Variants in NRBP2 observed in about 807,000 individuals in gnomAD.
NRBP2 encodes nuclear receptor-binding protein 2.
Under a neutral mutation model 74.4 loss-of-function variants are expected in NRBP2, and 47 were observed. The observed-to-expected ratio is 0.63, with a 90% confidence interval of 0.50 to 0.81. The LOEUF is 0.81. Among genes scored for constraint, NRBP2 ranks in the 30% least tolerant of loss-of-function variants. NRBP2 has a pLI of 0.00. For synonymous variants in NRBP2, 312 were observed against 273.8 expected, an observed-to-expected ratio of 1.14 and a Z score of -1.38; for missense variants, 613 against 690.1, an observed-to-expected ratio of 0.89 and a Z score of 1.25.
At position 143,837,987 on chromosome 8, in the gene NRBP2, A is replaced by T. The variant is rs1563862173; in HGVS notation, c.841-232T>A. 1.4e-6 allele frequency: 1 copy of T among 703,018 alleles called. No individual in the cohort carries two copies. Among genetic ancestry groups the T allele is most frequent in the South Asian group, 1.5e-5 (1 of 66,682 alleles). 43.5% of individuals were successfully genotyped at this position (703,018 alleles called of 1,614,324 possible). ...GGAGCACCATGCTCTGCTTCCCTCG[A>T]CCCCCAAAAAATCGTGGGGAGAAGC... On this transcript the variant is annotated intron_variant, in intron 10 of 17. Coordinates refer to ENST00000442628, the MANE Select transcript of NRBP2 (RefSeq NM_178564.4). This position sits in a 1 kb window ranked among gnomAD's most constrained non-coding sequence, Gnocchi z 4.3.
At chr8:143,838,025 G>C (rs1238850695) in intron 10 of NRBP2, 1 of 681,366 alleles carries the variant, frequency 1.5e-6, no homozygotes, top group African/African-American at 1.8e-5. Flanking sequence ...TGATCCTAAA[G>C]TCACACCTGC....
downstream of NRBP2, among the ~76,000 whole-genome samples, chr8:143,832,084 C>A (rs977720264): frequency 3.9e-5 from 6 of 152,222 alleles, no homozygotes; most frequent in Non-Finnish European, 8.8e-5. Flanking sequence ...AAGGAAAATT[C>A]TTCTGCCTTG....
chr8:143,836,464 G>A (rs1220180928), intron 14 of NRBP2, among the ~76,000 whole-genome samples: 6 of 151,970 alleles, frequency 3.9e-5, no homozygotes, highest in East Asian at 1.9e-4. Flanking sequence ...ACAGGACCGC[G>A]CCGAAGTGCA....
chr8:143,837,412 C>G lies in NRBP2; in HGVS notation c.1071G>C (p.Gln357His). Reference protein sequence around the residue: ...ELPRPRRPPLQWRYSEVSFME... With the variant: ...ELPRPRRPPLHWRYSEVSFME... ...TCTGGGTGCTGACTGCTCACCGCCACTGCAGCGGGGGCCTGCGGGGCCGGG... is the reference window on the plus strand; with the variant it reads ...TCTGGGTGCTGACTGCTCACCGCCAGTGCAGCGGGGGCCTGCGGGGCCGGG... Residue 357 changes from glutamine to histidine, a missense_variant, in exon 12 of 18, where the codon CAG (glutamine) becomes CAC (histidine). This residue lies in a region of NRBP2 where 281 missense variants were observed against 260.9 expected (regional missense o/e 1.08). Transcript: ENST00000442628. The surrounding 1 kb of genome is among the most constrained non-coding windows in gnomAD (Gnocchi z 4.3). 6.3e-7 allele frequency: 1 copy of G among 1,598,812 alleles called. No homozygotes were observed. The highest frequency in any genetic ancestry group is 1.1e-5 in the South Asian group (1 of 88,852).
chr8:143,838,050 T>C, intron 10 of NRBP2: 1 of 649,322 alleles, frequency 1.5e-6, no homozygotes, highest in East Asian at 3.0e-5. Context: ...CTCCTACCCA[T>C]GGCCTTTTGA....
downstream of NRBP2, among the ~76,000 whole-genome samples, chr8:143,833,055 G>A (rs1302888906): frequency 2.6e-5 from 4 of 152,212 alleles, no homozygotes; most frequent in African/African-American, 9.7e-5. Context: ...GAAGAGGAAA[G>A]CAGTACAGGA....
chr8:143,838,069 G>C (rs1818508631), intron 10 of NRBP2: 18 of 609,446 alleles, frequency 3.0e-5, no homozygotes, highest in South Asian at 2.8e-4. Flanking sequence ...GATCGGCTCA[G>C]CTCGGGCCCA....
In NRBP2 at chr8:143,839,938, G is replaced by A. The variant is rs781973312; in HGVS notation, c.345C>T (p.Ala115=). The change falls in exon 3 of 18, where the codon GCC becomes GCT. Residue 115 remains alanine (A), a synonymous_variant. Transcript: ENST00000442628. The surrounding 1 kb of genome is among the most constrained non-coding windows in gnomAD (Gnocchi z 5.1). ...LHKYWLDTSE[A]CARVIFITEY... ...CCTTGCCCGTGCTCACCCTCGCGCA[G>A]GCCTCAGAGGTATCCAGCCAGTACT... The A allele has an allele frequency of 3.3e-6, 5 of 1,536,020 alleles. No homozygotes were observed. The African/African-American group carries it at 4.1e-5, about 13-fold the overall frequency.
In NRBP2 at chr8:143,840,016, G is replaced by A. The variant is rs782693395; in HGVS notation, c.267C>T (p.Thr89=). The part of the protein sequence containing the change: ...AFAAHEEKIQ[T]VFEQLVLVDH... ...CCACCAGCACCAGCTGCTCGAACAC[G>A]GTCTGGATCTTCTCCTGGGGAGGGA... The change falls in exon 3 of 18, where the codon ACC becomes ACT. Residue 89 remains threonine (T), a synonymous_variant. Coordinates refer to ENST00000442628, the MANE Select transcript of NRBP2 (RefSeq NM_178564.4). This position sits in a 1 kb window ranked among gnomAD's most constrained non-coding sequence, Gnocchi z 5.7. 4 of 1,536,066 alleles carry A rather than the reference G, an allele frequency of 2.6e-6. No individual in the cohort carries two copies. In the African/African-American group the frequency reaches 4.1e-5, roughly 16 times the overall value.
At position 143,839,554 on chromosome 8, in the gene NRBP2, C is replaced by T. The variant is rs1390577032; in HGVS notation, c.445-5G>A. 5.9e-6 allele frequency: 9 copies of T among 1,530,292 alleles called. No individual in the cohort carries two copies. The East Asian group carries it at 1.5e-4, about 25-fold the overall frequency. The allele number at this position is 1,530,292 out of a possible 1,614,324, so 94.8% of individuals were successfully genotyped here. On this transcript the variant is annotated splice_region_variant and splice_polypyrimidine_tract_variant and intron_variant, in intron 4 of 17. Transcript: ENST00000442628. This position sits in a 1 kb window ranked among gnomAD's most constrained non-coding sequence, Gnocchi z 5.1. ...CGTGCACCAGCGCTTCCAGGCCTGGCGGCGGACGCACGACTCCGTCGGTCG... is the reference window on the plus strand; with the variant it reads ...CGTGCACCAGCGCTTCCAGGCCTGGTGGCGGACGCACGACTCCGTCGGTCG...
Position 143,839,152 on chromosome 8 carries a change from C to G in NRBP2, c.604+20G>C, listed in dbSNP as rs1554652860. 1 of 1,517,824 alleles carries G rather than the reference C, an allele frequency of 6.6e-7. No individual in the cohort carries two copies. The highest frequency in any genetic ancestry group is 2.5e-5 in the East Asian group (1 of 40,646). 94.0% of individuals were successfully genotyped at this position (1,517,824 alleles called of 1,614,324 possible). A position where few individuals can be genotyped will look rare whatever the true frequency, so the allele number is the denominator to read the frequency against. On this transcript the variant is annotated intron_variant, in intron 7 of 17. Transcript: ENST00000442628. The surrounding 1 kb of genome is among the most constrained non-coding windows in gnomAD (Gnocchi z 5.1). ...GCGGGGACCTCTCCAGGACCCCGTC[C>G]CCCCAAAGTCCGCACTTACCATTGG...
At position 143,839,405 on chromosome 8, in the gene NRBP2, G is replaced by T; in HGVS notation, c.489C>A (p.Phe163Leu). ...WCTQILSALSFLHACSPPIIH... is the reference protein window; with the variant it reads ...WCTQILSALSLLHACSPPIIH... ...TGATTGGGGGGCTGCAGGCGTGCAG[G>T]AAGCTGCAGACGTTGGGGAGGGGAG... The change falls in exon 6 of 18, where the codon TTC (phenylalanine) becomes TTA (leucine). Residue 163 changes from phenylalanine (F) to leucine (L), a missense_variant. Physicochemically the swap from Phe to Leu is conservative, Grantham distance 22. Transcript: ENST00000442628. The surrounding 1 kb of genome is among the most constrained non-coding windows in gnomAD (Gnocchi z 5.1). 1 of 1,569,434 alleles carries T rather than the reference G, an allele frequency of 6.4e-7. No individual in the cohort carries two copies. Among genetic ancestry groups the T allele is most frequent in the Non-Finnish European group, 8.6e-7 (1 of 1,165,504 alleles).
rs782426140 is a variant in NRBP2 at position 143,839,856 on chromosome 8, G to C, written c.355-31C>G. The C allele has an allele frequency of 1.4e-5, 21 of 1,535,510 alleles. No homozygotes were observed. The South Asian group carries it at 2.3e-4, about 17-fold the overall frequency. On this transcript the variant is annotated intron_variant, in intron 3 of 17. Transcript: ENST00000442628. The surrounding 1 kb of genome is among the most constrained non-coding windows in gnomAD (Gnocchi z 5.1). ...CGGTGCGAGCTCAGGATTTCCACCA[G>C]CTGCGGGTTCGTCCCCATGCCCGCC...
Position 143,837,085 on chromosome 8 carries a change from T to C in NRBP2, c.1217A>G (p.Lys406Arg), listed in dbSNP as rs782775804. 1.2e-6 allele frequency: 2 copies of C among 1,611,560 alleles called. No individual in the cohort carries two copies. The highest frequency in any genetic ancestry group is 1.7e-6 in the Non-Finnish European group (2 of 1,179,100). The change falls in exon 14 of 18, where the codon AAG becomes AGG. Residue 406 changes from lysine (K) to arginine (R), a missense_variant. By Grantham distance (26) the Lys-to-Arg change is conservative. Coordinates refer to ENST00000442628, the MANE Select transcript of NRBP2 (RefSeq NM_178564.4). The surrounding 1 kb of genome is among the most constrained non-coding windows in gnomAD (Gnocchi z 4.3). ...GGGCTCTGGCGTCGGGGTCTTGGCCTTTTGGACCTCCTCCGGGGGTGGGGC... is the reference window on the plus strand; with the variant it reads ...GGGCTCTGGCGTCGGGGTCTTGGCCCTTTGGACCTCCTCCGGGGGTGGGGC... Reference protein sequence around the residue: ...VLAPPPEEVQKAKTPTPEPFD... With the variant: ...VLAPPPEEVQRAKTPTPEPFD...
chr8:143,837,280 T>C lies in NRBP2; in HGVS notation c.1096A>G (p.Met366Val), dbSNP rs782629409. The C allele has an allele frequency of 6.2e-7, 1 of 1,610,736 alleles. No individual in the cohort carries two copies. Among genetic ancestry groups the C allele is most frequent in the Non-Finnish European group, 8.5e-7 (1 of 1,179,692 alleles). The change falls in exon 13 of 18, where the codon ATG becomes GTG. Residue 366 changes from methionine to valine, a missense_variant. By Grantham distance (21) the Met-to-Val change is conservative. Coordinates refer to ENST00000442628, the MANE Select transcript of NRBP2 (RefSeq NM_178564.4). The surrounding 1 kb of genome is among the most constrained non-coding windows in gnomAD (Gnocchi z 4.3). Reference protein sequence around the residue: ...LQWRYSEVSFMELDKFLEDVR... With the variant: ...LQWRYSEVSFVELDKFLEDVR... Reference sequence around the variant, plus strand: ...TCCTCCAGGAATTTGTCCAGCTCCATGAAGGAGACTTCCGAGTACCTGGCA... The same window carrying C: ...TCCTCCAGGAATTTGTCCAGCTCCACGAAGGAGACTTCCGAGTACCTGGCA...
At position 143,840,809 on chromosome 8, in the gene NRBP2, C is replaced by T; in HGVS notation, c.26G>A (p.Arg9Lys). 6.7e-7 allele frequency: 1 copy of T among 1,497,482 alleles called. No individual in the cohort carries two copies. Among genetic ancestry groups the T allele is most frequent in the Non-Finnish European group, 8.9e-7 (1 of 1,129,146 alleles). The allele number at this position is 1,497,482 out of a possible 1,614,324, so 92.8% of individuals were successfully genotyped here. The change falls in exon 1 of 18, where the codon AGG becomes AAG. Residue 9 changes from arginine (R) to lysine (K), a missense_variant. Transcript: ENST00000442628. This position sits in a 1 kb window ranked among gnomAD's most constrained non-coding sequence, Gnocchi z 5.7. The part of the protein sequence containing the change: MAAPEPAP[R>K]RARERERERE... ...CTCCCGCTCCCGTTCCCGGGCCCGC[C>T]TCGGCGCCGGCTCCGGGGCCGCCAT...
rs782461933 is a variant in NRBP2 at position 143,837,336 on chromosome 8, G to T, written c.1077-37C>A. 4 of 1,594,790 alleles carry T rather than the reference G, an allele frequency of 2.5e-6. No individual in the cohort carries two copies. Among genetic ancestry groups the T allele is most frequent in the Admixed American group, 1.7e-5 (1 of 58,312 alleles). On this transcript the variant is annotated intron_variant, in intron 12 of 17. Transcript: ENST00000442628. This position sits in a 1 kb window ranked among gnomAD's most constrained non-coding sequence, Gnocchi z 4.3. ...GTGGGAGGCACATGAGGGGCTGGCC[G>T]GGGCGAGGGGAGGGGAGGTGCGGGG... is the stretch of plus-strand genomic sequence containing the variant.
chr8:143,839,578 C>T lies in NRBP2; in HGVS notation c.445-29G>A, dbSNP rs1255836908. 2.6e-6 allele frequency: 4 copies of T among 1,525,380 alleles called. No homozygotes were observed. Among genetic ancestry groups the T allele is most frequent in the Non-Finnish European group, 3.5e-6 (4 of 1,142,226 alleles). The allele number at this position is 1,525,380 out of a possible 1,614,324, so 94.5% of individuals were successfully genotyped here. A position where few individuals can be genotyped will look rare whatever the true frequency, so the allele number is the denominator to read the frequency against. On this transcript the variant is annotated intron_variant, in intron 4 of 17. Transcript: ENST00000442628. This position sits in a 1 kb window ranked among gnomAD's most constrained non-coding sequence, Gnocchi z 5.1. Reference sequence around the variant, plus strand: ...GCGGCGGACGCACGACTCCGTCGGTCGGGTGGGCGCAGGAGAGGCGGCTGG... The same window carrying T: ...GCGGCGGACGCACGACTCCGTCGGTTGGGTGGGCGCAGGAGAGGCGGCTGG...
Position 143,835,596 on chromosome 8 carries a change from G to C in NRBP2, c.*66C>G. 1.5e-6 allele frequency: 2 copies of C among 1,359,546 alleles called. No individual in the cohort carries two copies. Among genetic ancestry groups the C allele is most frequent in the Non-Finnish European group, 2.0e-6 (2 of 994,280 alleles). 84.2% of individuals were successfully genotyped at this position (1,359,546 alleles called of 1,614,324 possible). ...GGAGGAGGGCAGCCCCACGGTGCTG[G>C]AGTCTCCCCAACATGGCCTGCCCAG... On this transcript the variant is annotated 3_prime_UTR_variant, in exon 18 of 18. Transcript: ENST00000442628. This position sits in a 1 kb window ranked among gnomAD's most constrained non-coding sequence, Gnocchi z 4.9.
Sources: allele counts gnomAD v4.1 joint callset (sites outside exome capture counted in the v4.1 genomes callset), GRCh38; gene constraint gnomAD v4.1.1; regional missense constraint gnomAD v4.1.1; non-coding constraint Gnocchi (gnomAD v3.1); transcripts MANE v1.5; gene names NCBI Gene and HGNC (gene_info 2026-07-23, HGNC 2026-07-21).